Variants in CDYL2 observed in about 807,000 individuals in gnomAD.
CDYL2 encodes chromodomain Y-like protein 2.
A neutral mutation model predicts 49.4 loss-of-function variants in CDYL2; 23 were observed. That is an observed-to-expected ratio of 0.47 (90% CI 0.34 to 0.66). The LOEUF (loss-of-function observed/expected upper bound fraction) is 0.66, where lower values mean the gene tolerates loss of function less well. CDYL2 is among the 30% of genes least tolerant of loss of function. The pLI is 0.01. For missense variants in CDYL2, 678 were observed against 656.4 expected, an observed-to-expected ratio of 1.03 and a Z score of -0.36; for synonymous variants, 360 against 268.8, an observed-to-expected ratio of 1.34 and a Z score of -3.32.
chr16:80,692,614 T>C (rs1250625304), intron 1 of CDYL2, among the ~76,000 whole-genome samples: 1 of 152,220 alleles, frequency 6.6e-6, no homozygotes, highest in Non-Finnish European at 1.5e-5. Context: ...AAGTAATCAT[T>C]GTAATTATGA....
intron 2 of CDYL2, among the ~76,000 whole-genome samples, chr16:80,664,319 T>A (rs1190959890): frequency 1.3e-5 from 2 of 152,144 alleles, no homozygotes; most frequent in African/African-American, 4.8e-5. Flanking sequence ...CCGTCCACCT[T>A]CACACATCTA....
chr16:80,782,422 G>C (rs1458955238), intron 1 of CDYL2, among the ~76,000 whole-genome samples: 1 of 149,928 alleles, frequency 6.7e-6, no homozygotes, highest in Non-Finnish European at 1.5e-5. Flanking sequence ...TAAAGAATTA[G>C]CACCAATTCT....
intron 1 of CDYL2, among the ~76,000 whole-genome samples, chr16:80,686,850 C>T (rs1597174189): frequency 6.6e-6 from 1 of 152,216 alleles, no homozygotes; most frequent in South Asian, 2.1e-4. Context: ...AATTTATCTC[C>T]ATCCAAACTG....
intron 1 of CDYL2, among the ~76,000 whole-genome samples, chr16:80,725,681 G>A (rs574864594): frequency 2.0e-5 from 3 of 152,328 alleles, no homozygotes; most frequent in Non-Finnish European, 4.4e-5. Context: ...CGACTGACCT[G>A]AGAAACCCTA....
At chr16:80,731,919 A>G (rs528769498) in intron 1 of CDYL2, among the ~76,000 whole-genome samples, 1 of 151,720 alleles carries the variant, frequency 6.6e-6, no homozygotes, top group South Asian at 2.1e-4. Context: ...AGTTAAAAAA[A>G]AAAAAAGGCA....
At chr16:80,766,371 T>C (rs1906725400) in intron 1 of CDYL2, among the ~76,000 whole-genome samples, 1 of 151,870 alleles carries the variant, frequency 6.6e-6, no homozygotes, top group Admixed American at 6.6e-5. Context: ...CAAAGAAAAA[T>C]ACATTTGAAA....
intron 1 of CDYL2, among the ~76,000 whole-genome samples, chr16:80,797,949 A>C (rs1049312692): frequency 6.6e-6 from 1 of 152,202 alleles, no homozygotes; most frequent in Non-Finnish European, 1.5e-5. Flanking sequence ...GTTACCATTC[A>C]TCAAACTACA....
At chr16:80,631,455 C>A (rs1432606764) in intron 3 of CDYL2, among the ~76,000 whole-genome samples, 1 of 152,206 alleles carries the variant, frequency 6.6e-6, no homozygotes, top group Non-Finnish European at 1.5e-5. Context: ...TGTTGTCAAT[C>A]TCACTGCATT....
At chr16:80,737,861 G>GGTTGTT (rs572427898) in intron 1 of CDYL2, among the ~76,000 whole-genome samples, 1 of 152,090 alleles carries the variant, frequency 6.6e-6, no homozygotes, top group Non-Finnish European at 1.5e-5. Context: ...TTTAGGGACT[G>GGTTGTT]GTTGTTGTTG....
In CDYL2 at chr16:80,633,047, G is replaced by T. The variant is rs761277499; in HGVS notation, c.806C>A (p.Thr269Asn). 1 of 1,614,130 alleles carries T rather than the reference G, an allele frequency of 6.2e-7. No individual in the cohort carries two copies. The highest frequency in any genetic ancestry group is 1.7e-5 in the Admixed American group (1 of 60,022). ...GFTHILLSSQ[T>N]SDNNALTPEI... ...AGGTGTCAGGGCATTGTTATCCGAG[G>T]TCTGACTGGACAGCAGGATGTGCGT... Residue 269 changes from threonine to asparagine, a missense_variant, in exon 3 of 7, where the codon ACC (threonine) becomes AAC (asparagine). By Grantham distance (65) the Thr-to-Asn change is moderately conservative (BLOSUM62 0). Around this residue, in one of 3 missense-constraint regions of CDYL2, gnomAD observed 478 missense variants for 427.0 expected, o/e 1.12. Coordinates refer to ENST00000570137, the MANE Select transcript of CDYL2 (RefSeq NM_152342.4).
intron 1 of CDYL2, 30 bp from the exon 2 acceptor site, chr16:80,685,159 C>A: frequency 6.4e-7 from 1 of 1,555,866 alleles, no homozygotes; most frequent in South Asian, 1.2e-5. Flanking sequence ...GGTCAGAAAA[C>A]AGAGAGAGAG....
chr16:80,601,150 T>C lies in CDYL2; in HGVS notation c.*3238A>G, dbSNP rs908157221. 2 of 152,192 alleles carry C rather than the reference T, an allele frequency of 1.3e-5. No individual in the cohort carries two copies. The highest frequency in any genetic ancestry group is 6.5e-5 in the Admixed American group (1 of 15,278). 9.4% of individuals were successfully genotyped at this position (152,192 alleles called of 1,614,324 possible). A position where few individuals can be genotyped will look rare whatever the true frequency, so the allele number is the denominator to read the frequency against. ...TCAGCATTAGGCTGTGTCTTCCAAA[T>C]GGTGGTGAGAAGGTATGACCACCCT... On this transcript the variant is annotated 3_prime_UTR_variant, in exon 7 of 7. Transcript: ENST00000570137.
intron 1 of CDYL2, chr16:80,736,456 G>C (rs983873634): frequency 6.6e-6 from 1 of 152,172 alleles, no homozygotes; most frequent in Non-Finnish European, 1.5e-5. Context: ...GAGCAAGAGA[G>C]GTACAAAGCT....
chr16:80,716,114 C>T (rs1191124236), intron 1 of CDYL2, among the ~76,000 whole-genome samples: 2 of 152,200 alleles, frequency 1.3e-5, no homozygotes, highest in Admixed American at 6.5e-5. Context: ...ATAATTGTAA[C>T]AAGGCCTGGT....
intron 1 of CDYL2, among the ~76,000 whole-genome samples, chr16:80,719,200 G>A (rs1453611183): frequency 6.6e-6 from 1 of 152,086 alleles, no homozygotes; most frequent in Non-Finnish European, 1.5e-5. Flanking sequence ...TGAATGCAAA[G>A]GCAATGTTTC....
At chr16:80,726,493 T>A (rs1375686229) in intron 1 of CDYL2, among the ~76,000 whole-genome samples, 2 of 152,226 alleles carry the variant, frequency 1.3e-5, no homozygotes, top group Admixed American at 1.3e-4. Context: ...CAATTAAAAA[T>A]TTAATCCCAA....
intron 1 of CDYL2, among the ~76,000 whole-genome samples, chr16:80,725,818 T>C (rs17826725): frequency 0.013 from 1,951 of 152,354 alleles, 17 homozygotes; most frequent in Admixed American, 0.018. Flanking sequence ...ATCTGAATTC[T>C]ACGACCCGGA....
rs1904282340 is a variant in CDYL2, at chr16:80,697,903, A to G, written c.25-12774T>C. Among the ~76,000 whole-genome samples the G allele has an allele frequency of 2.0e-5, 3 of 152,190 alleles. No homozygotes were observed. In the South Asian group the frequency reaches 6.2e-4, roughly 32 times the overall value. ...ATTGGTGGAAAAAATTAAAGATAAG[A>G]TTAAAAAAATGGAAATACATCCCAT... On this transcript the variant is annotated intron_variant, in intron 1 of 6. Transcript: ENST00000570137.
intron 1 of CDYL2, among the ~76,000 whole-genome samples, chr16:80,788,007 A>G (rs1907491711): frequency 6.6e-6 from 1 of 152,212 alleles, no homozygotes; most frequent in Non-Finnish European, 1.5e-5. Flanking sequence ...AGTACAGTAC[A>G]TGGTAGTAAA....
Sources: gnomAD v4.1 joint callset for allele counts (sites outside exome capture counted in the v4.1 genomes callset) on GRCh38, gnomAD v4.1.1 for gene constraint, gnomAD v4.1.1 regional missense constraint, MANE v1.5 for transcripts, NCBI Gene and HGNC (gene_info 2026-07-23, HGNC 2026-07-21) for gene names.